MADD: variants seen among roughly 807,000 people sequenced by gnomAD.
MADD encodes the protein MAP kinase-activating death domain protein.
A neutral mutation model predicts 176.7 loss-of-function variants in MADD; 109 were observed. That is an observed-to-expected ratio of 0.62 (90% CI 0.53 to 0.72). The LOEUF is 0.72. Among genes scored for constraint, MADD ranks in the 30% least tolerant of loss-of-function variants. The pLI is 0.00. For synonymous variants in MADD, 771 were observed against 771.3 expected, an observed-to-expected ratio of 1.00 and a Z score of 0.01; for missense variants, 1,914 against 2,045.5, an observed-to-expected ratio of 0.94 and a Z score of 1.24.
chr11:47,293,780 G>A (rs919355372), intron 19 of MADD, 103 bp from the exon 22 acceptor site: 42 of 722,072 alleles, frequency 5.8e-5, no homozygotes, highest in Non-Finnish European at 9.3e-5. Flanking sequence ...TGACTAGGAT[G>A]GGCTGAACGG....
At chr11:47,308,998 T>C in intron 23 of MADD, 2 of 1,614,126 alleles carry the variant, frequency 1.2e-6, no homozygotes, top group Non-Finnish European at 1.7e-6. Context: ...AAAGGATCCA[T>C]GTGGGACCAG....
intron 22 of MADD, among the ~76,000 whole-genome samples, chr11:47,306,314 G>A (rs1380469893): frequency 6.6e-6 from 1 of 152,174 alleles, no homozygotes; most frequent in African/African-American, 2.4e-5. Context: ...CTTAGCCTCA[G>A]GAATGAAGGG....
chr11:47,307,005 A>G (rs2083283117), intron 22 of MADD, among the ~76,000 whole-genome samples: 1 of 151,950 alleles, frequency 6.6e-6, no homozygotes, highest in South Asian at 2.1e-4. Flanking sequence ...GGGCTCAAGC[A>G]ATCCACCCAC....
At chr11:47,329,115 G>T (rs2095795896) in exon 33 of MADD, 2 of 1,614,178 alleles carry the variant, frequency 1.2e-6, no homozygotes, top group African/African-American at 1.3e-5. Flanking sequence ...CAGTGAGGAA[G>T]ATCTCAGAAC....
chr11:47,300,921 C>T (rs1463935225), intron 22 of MADD, among the ~76,000 whole-genome samples: 4 of 151,368 alleles, frequency 2.6e-5, no homozygotes, highest in Non-Finnish European at 5.9e-5. Flanking sequence ...AATTTGTTGG[C>T]ATATAGTTAT....
At chr11:47,284,149 G>A (rs1193416942) in intron 10 of MADD, 29 bp from the exon 11 acceptor site, 16 of 1,498,730 alleles carry the variant, frequency 1.1e-5, no homozygotes, top group Non-Finnish European at 1.5e-5. Flanking sequence ...TTTCTGTTTT[G>A]TTTGTTTTTT....
chr11:47,291,668 CT>C (rs1329712523), intron 19 of MADD, among the ~76,000 whole-genome samples: 2 of 152,142 alleles, frequency 1.3e-5, no homozygotes, highest in Non-Finnish European at 2.9e-5. Context: ...TTTCTCCTGC[CT>C]CATGTGATGT....
chr11:47,281,543 CTTGTGT>C, intron 7 of MADD, 26 bp from the exon 8 acceptor site: 1 of 1,568,910 alleles, frequency 6.4e-7, no homozygotes, highest in Non-Finnish European at 8.7e-7. Context: ...AGGGACGTTC[CTTGTGT>C]AAGGAATTTT....
intron 31 of MADD, chr11:47,328,166 T>G: frequency 9.7e-7 from 1 of 1,036,116 alleles, no homozygotes; most frequent in Non-Finnish European, 1.2e-6. Flanking sequence ...AGACCCTCTG[T>G]GTAGGGGGCT....
chr11:47,316,176 C>T (rs2092838710), intron 27 of MADD, among the ~76,000 whole-genome samples: 1 of 151,984 alleles, frequency 6.6e-6, no homozygotes, highest in Middle Eastern at 3.2e-3. Flanking sequence ...CACACGCGCA[C>T]ACACATATAC....
At chr11:47,294,339 A>C (rs1247943027) in intron 20 of MADD, among the ~76,000 whole-genome samples, 4 of 140,760 alleles carry the variant, frequency 2.8e-5, no homozygotes, top group African/African-American at 5.5e-5. Flanking sequence ...CAAAGGTGAA[A>C]CTCCATCTCA....
chr11:47,284,579 G>C lies in MADD; in HGVS notation c.2157+14G>C, dbSNP rs774564530. 2 of 1,611,576 alleles carry C rather than the reference G, an allele frequency of 1.2e-6. No individual in the cohort carries two copies. Among genetic ancestry groups the C allele is most frequent in the South Asian group, 1.1e-5 (1 of 90,860 alleles). ...GGAGCCAACTCTGTAAGTGAGGAGC[G>C]GTGGATGAGTGAGAACCATGGCCTG... On this transcript the variant is annotated intron_variant, in intron 12 of 32. Coordinates refer to ENST00000402192, the Ensembl canonical transcript of MADD.
chr11:47,297,414 T>G (rs2073454622), intron 22 of MADD, among the ~76,000 whole-genome samples: 1 of 152,076 alleles, frequency 6.6e-6, no homozygotes, highest in South Asian at 2.1e-4. Context: ...ATTTTTCTTT[T>G]GTGCTGACAG....
chr11:47,271,808 A>G (rs1395145428), intron 1 of MADD, among the ~76,000 whole-genome samples: 1 of 151,076 alleles, frequency 6.6e-6, no homozygotes, highest in Non-Finnish European at 1.5e-5. Context: ...CTCATATCCC[A>G]TTTCATTTCT....
At chr11:47,308,946 G>C in intron 23 of MADD, 34 bp from the exon 26 acceptor site, 1 of 1,593,552 alleles carries the variant, frequency 6.3e-7, no homozygotes, top group Non-Finnish European at 8.6e-7. Context: ...TTCCTTTCTT[G>C]CTACCATGGT....
Position 47,325,216 on chromosome 11 carries a change from C to T in MADD, c.4542+639C>T, listed in dbSNP as rs1456628633. The T allele has an allele frequency of 6.3e-6, 1 of 159,674 alleles. No individual in the cohort carries two copies. Among genetic ancestry groups the T allele is most frequent in the African/African-American group, 2.4e-5 (1 of 41,456 alleles). The allele number at this position is 159,674 out of a possible 1,614,324, so 9.9% of individuals were successfully genotyped here. On this transcript the variant is annotated intron_variant, in intron 30 of 32. Transcript: ENST00000402192. The surrounding 1 kb of genome is among the most constrained non-coding windows in gnomAD (Gnocchi z 4.5). ...ACATCTTTCCCTCATTGTAATTCCA[C>T]CATAGGAGCTGACTTTTTTTTTTCT... is the stretch of plus-strand genomic sequence containing the variant.
chr11:47,269,853 A>G (rs1330354470), upstream of MADD: 2 of 152,096 alleles, frequency 1.3e-5, no homozygotes, highest in Non-Finnish European at 2.9e-5. Flanking sequence ...TGTCGTCGAA[A>G]CGGGCGCTAT....
intron 15 of MADD, among the ~76,000 whole-genome samples, chr11:47,288,620 TG>T (rs1336656114): frequency 6.6e-6 from 1 of 152,214 alleles, no homozygotes; most frequent in Non-Finnish European, 1.5e-5. Context: ...ATCTGCAAGA[TG>T]GGTTGCTTCC....
chr11:47,329,306 C>T (rs566420850), exon 33 of MADD: 26 of 641,492 alleles, frequency 4.1e-5, no homozygotes, highest in South Asian at 4.0e-4. Flanking sequence ...GTTATGTGTC[C>T]CTCTGAGTGT....
Sources: gnomAD v4.1 joint callset for allele counts (sites outside exome capture counted in the v4.1 genomes callset) on GRCh38, gnomAD v4.1.1 for gene constraint, Gnocchi (gnomAD v3.1) non-coding constraint, MANE v1.5 for transcripts, NCBI Gene and HGNC (gene_info 2026-07-23, HGNC 2026-07-21) for gene names.